The following SCFD2 variants were observed in gnomAD, a reference collection of about 807,000 sequenced individuals.
SCFD2 encodes sec1 family domain-containing protein 2.
In SCFD2, 54 loss-of-function variants were observed where a neutral mutation model predicts 58.9. The observed-to-expected ratio is 0.92, with a 90% CI of 0.74 to 1.15. The LOEUF (loss-of-function observed/expected upper bound fraction) is 1.15, where lower values mean the gene tolerates loss of function less well. Ranked by LOEUF, SCFD2 falls within the 50% of genes most tolerant of loss-of-function variation. The pLI, the probability that SCFD2 is intolerant of heterozygous loss-of-function variation, is 0.00. For synonymous variants in SCFD2, 321 were observed against 335.9 expected (o/e 0.96, Z 0.49); for missense variants, 805 against 836.6 (o/e 0.96, Z 0.47).
chr4:53,116,577 A>C (rs1407639765), intron 5 of SCFD2, among the ~76,000 whole-genome samples: 2 of 152,216 alleles, frequency 1.3e-5, no homozygotes, highest in East Asian at 1.9e-4. Context: ...CAATTACATA[A>C]GACATAACAG....
chr4:53,274,108 A>G (rs1560423770), intron 3 of SCFD2, 107 bp from the exon 4 acceptor site: 1 of 908,256 alleles, frequency 1.1e-6, no homozygotes. Context: ...AGAACTTCAG[A>G]GCTGACTGCA....
intron 4 of SCFD2, among the ~76,000 whole-genome samples, chr4:53,236,036 T>C (rs1672413190): frequency 6.6e-6 from 1 of 152,176 alleles, no homozygotes; most frequent in Admixed American, 6.5e-5. Context: ...GATTGAAGGA[T>C]ACGAAGTATT....
chr4:53,048,889 C>T (rs1340955163), intron 5 of SCFD2, among the ~76,000 whole-genome samples: 2 of 152,034 alleles, frequency 1.3e-5, no homozygotes, highest in African/African-American at 2.4e-5. Context: ...GGAGGCCTTC[C>T]CTGGACTCCC....
chr4:53,365,549 C>G lies in SCFD2; in HGVS notation c.393G>C (p.Pro131=), dbSNP rs781732330. 5 of 1,614,154 alleles carry G rather than the reference C, an allele frequency of 3.1e-6. No homozygotes were observed. The South Asian group carries it at 3.3e-5, about 11-fold the overall frequency. The change falls in exon 1 of 9, where the codon CCG becomes CCC. Residue 131 remains proline, a synonymous_variant. Transcript: ENST00000401642. The surrounding 1 kb of genome is among the most constrained non-coding windows in gnomAD (Gnocchi z 4.3). ...AAAAEMEGQQ[P]VFEQLEEKLC... is the part of the protein sequence containing the mutation. ...GCTTCTCCTCCAGCTGCTCGAACAC[C>G]GGCTGCTGCCCCTCCATCTCGGCCG...
chr4:52,928,105 T>C (rs1359886294), intron 5 of SCFD2, among the ~76,000 whole-genome samples: 3 of 151,976 alleles, frequency 2.0e-5, no homozygotes. Context: ...GAGACCGAGG[T>C]GGGAGGATCA....
At chr4:53,179,186 G>A (rs1727453611) in intron 4 of SCFD2, among the ~76,000 whole-genome samples, 2 of 152,078 alleles carry the variant, frequency 1.3e-5, no homozygotes, top group Non-Finnish European at 2.9e-5. Flanking sequence ...GCAACTCCAA[G>A]ACACATAATT....
intron 3 of SCFD2, among the ~76,000 whole-genome samples, chr4:53,281,017 T>C (rs1385960088): frequency 2.0e-5 from 3 of 152,200 alleles, no homozygotes; most frequent in South Asian, 2.1e-4. Context: ...GAAGCACCCA[T>C]TCATCCTTGC....
chr4:52,892,136 T>G (rs1718892360), intron 7 of SCFD2, among the ~76,000 whole-genome samples: 2 of 152,356 alleles, frequency 1.3e-5, no homozygotes, highest in South Asian at 4.1e-4. Context: ...TTTCCAGTTC[T>G]GCTTCCCAAT....
intron 5 of SCFD2, among the ~76,000 whole-genome samples, chr4:53,087,389 T>C (rs989565048): frequency 3.3e-5 from 5 of 152,152 alleles, no homozygotes; most frequent in Non-Finnish European, 2.9e-5. Flanking sequence ...GGCTGGAGTG[T>C]AGTGGCACAA....
rs1042126329 is a variant in SCFD2 at position 52,997,559 on chromosome 4, A to G, written c.1562-76689T>C. On this transcript the variant is annotated intron_variant, in intron 5 of 8. Transcript: ENST00000401642. ...GGCCATTAGGTGTGGTCTAGTGTTC[A>G]GAGAAAGGCTTTCTAAGATTGCTTT... 2.6e-5 allele frequency among the ~76,000 whole-genome samples: 4 copies of G among 152,368 alleles called. No individual in the cohort carries two copies. The South Asian group carries it at 6.2e-4, about 24-fold the overall frequency.
intron 4 of SCFD2, among the ~76,000 whole-genome samples, chr4:53,255,988 C>T (rs1441593244): frequency 2.0e-5 from 3 of 150,038 alleles, no homozygotes; most frequent in Non-Finnish European, 3.0e-5. Flanking sequence ...CCACCTCCCT[C>T]CCAGACGGGG....
At chr4:53,198,345 C>CG (rs1728122081) in intron 4 of SCFD2, among the ~76,000 whole-genome samples, 1 of 151,656 alleles carries the variant, frequency 6.6e-6, no homozygotes. Context: ...TTTAAGGGGA[C>CG]GGGCTGTTAT....
chr4:53,289,549 TAA>T (rs751669758), intron 3 of SCFD2, among the ~76,000 whole-genome samples: 13 of 151,650 alleles, frequency 8.6e-5, no homozygotes, highest in Middle Eastern at 3.4e-3. Context: ...AAGCAAACAA[TAA>T]GAGAAGAGAG....
At chr4:53,355,515 T>A (rs1365909066) in intron 1 of SCFD2, among the ~76,000 whole-genome samples, 1 of 152,190 alleles carries the variant, frequency 6.6e-6, no homozygotes. Context: ...TCTCGTAATC[T>A]CTTTAGTAAC....
chr4:53,309,250 C>T (rs1732612961), intron 3 of SCFD2, among the ~76,000 whole-genome samples: 1 of 152,098 alleles, frequency 6.6e-6, no homozygotes, highest in Non-Finnish European at 1.5e-5. Context: ...CAAACTAGAG[C>T]TCTGCCAGTG....
intron 5 of SCFD2, chr4:52,956,342 G>A (rs1333440156): frequency 4.9e-6 from 2 of 406,988 alleles, no homozygotes; most frequent in South Asian, 3.5e-5. Context: ...AGGGGACTAT[G>A]TTAGATAGGG....
intron 2 of SCFD2, among the ~76,000 whole-genome samples, chr4:53,331,172 C>T (rs1208840789): frequency 3.3e-5 from 5 of 151,760 alleles, no homozygotes; most frequent in Non-Finnish European, 7.4e-5. Context: ...CCACTGTCAA[C>T]ATTAGACAGA....
At chr4:53,263,177 C>A (rs1472411629) in intron 4 of SCFD2, among the ~76,000 whole-genome samples, 6 of 151,884 alleles carry the variant, frequency 4.0e-5, no homozygotes, top group Non-Finnish European at 7.4e-5. Context: ...TTTTTGATTT[C>A]TTTAAGTTGG....
At chr4:52,955,989 G>T in intron 5 of SCFD2, 1 of 452,246 alleles carries the variant, frequency 2.2e-6, no homozygotes, top group Non-Finnish European at 4.4e-6. Flanking sequence ...ACCTATTGCT[G>T]TGGTCAGCAA....
Sources: gnomAD v4.1 joint callset for allele counts (sites outside exome capture counted in the v4.1 genomes callset) on GRCh38, gnomAD v4.1.1 for gene constraint, Gnocchi (gnomAD v3.1) non-coding constraint, MANE v1.5 for transcripts, NCBI Gene and HGNC (gene_info 2026-07-23, HGNC 2026-07-21) for gene names.